NUP210: variants seen among roughly 807,000 people sequenced by gnomAD.
The protein encoded by NUP210 is nucleoporin 210, also known as nuclear pore membrane glycoprotein 210.
A neutral mutation model predicts 196.0 loss-of-function variants in NUP210; 151 were observed. The observed-to-expected ratio is 0.77, with a 90% CI of 0.67 to 0.88. The LOEUF is 0.88. Among genes scored for constraint, NUP210 ranks in the 40% least tolerant of loss-of-function variants. NUP210 has a pLI of 0.00. For missense variants in NUP210, 2,314 were observed against 2,493.7 expected (o/e 0.93, Z 1.53); for synonymous variants, 1,070 against 1,052.7 (o/e 1.02, Z -0.32).
intron 28 of NUP210, among the ~76,000 whole-genome samples, chr3:13,332,856 G>A (rs924457864): frequency 2.6e-5 from 4 of 152,222 alleles, no homozygotes; most frequent in Admixed American, 2.0e-4. Context: ...CAGTGAGGAA[G>A]AACTTTACCT....
chr3:13,411,013 G>C (rs546040735), intron 1 of NUP210, among the ~76,000 whole-genome samples: 43 of 151,782 alleles, frequency 2.8e-4, no homozygotes, highest in African/African-American at 9.7e-4. Flanking sequence ...CTTGAGGCCA[G>C]TAGTTTGAAA....
chr3:13,416,893 T>C (rs896166723), intron 1 of NUP210, among the ~76,000 whole-genome samples: 1 of 152,222 alleles, frequency 6.6e-6, no homozygotes, highest in African/African-American at 2.4e-5. Flanking sequence ...AAATGCTGCC[T>C]GTGATTGTAT....
Position 13,332,279 on chromosome 3 carries a change from G to T in NUP210, c.3935+14C>A. Reference sequence around the variant, plus strand: ...CCGCACAACTTTGCTGGAAACAAGAGCTGAGTCACGTACCTGTTTGTCTGC... The same window carrying T: ...CCGCACAACTTTGCTGGAAACAAGATCTGAGTCACGTACCTGTTTGTCTGC... On this transcript the variant is annotated intron_variant, in intron 29 of 39. Transcript: ENST00000254508. 1 of 1,605,476 alleles carries T rather than the reference G, an allele frequency of 6.2e-7. No homozygotes were observed. Among genetic ancestry groups the T allele is most frequent in the East Asian group, 2.2e-5 (1 of 44,794 alleles).
In NUP210 at chr3:13,381,425, T is replaced by C. The variant is rs553638752; in HGVS notation, c.818-1704A>G. 4.7e-5 allele frequency among the ~76,000 whole-genome samples: 7 copies of C among 149,978 alleles called. No individual in the cohort carries two copies. In the South Asian group the frequency reaches 8.4e-4, roughly 18 times the overall value. ...TCTTTCTTTTCTTTTCTTTTCTTTT[T>C]TTTTTTTTTTAGAGATAGGTTCTTA... On this transcript the variant is annotated intron_variant, in intron 6 of 39. Transcript: ENST00000254508.
chr3:13,350,754 C>T lies in NUP210; in HGVS notation c.2835+1125G>A, dbSNP rs1209288632. Among the ~76,000 whole-genome samples, 3 of 143,574 alleles carry T rather than the reference C, an allele frequency of 2.1e-5. No homozygotes were observed. The highest frequency in any genetic ancestry group is 5.2e-5 in the African/African-American group (2 of 38,252). 94.2% of individuals were successfully genotyped at this position (143,574 alleles called of 152,430 possible). ...CGTCGCCCAGGCTGGAGTGCAGTGG[C>T]GCAATCTTGGCTCACTGCAAGCTCC... On this transcript the variant is annotated intron_variant, in intron 20 of 39. Coordinates refer to ENST00000254508, the MANE Select transcript of NUP210 (RefSeq NM_024923.4). The surrounding 1 kb of genome is among the most constrained non-coding windows in gnomAD (Gnocchi z 4.1).
At position 13,358,247 on chromosome 3, in the gene NUP210, G is replaced by C. The variant is rs371580802; in HGVS notation, c.2303C>G (p.Pro768Arg). 1.9e-6 allele frequency: 3 copies of C among 1,611,658 alleles called. No individual in the cohort carries two copies. The highest frequency in any genetic ancestry group is 2.5e-6 in the Non-Finnish European group (3 of 1,178,782). ...YTSPQLDMSC[P>R]LLQQNKQVVP... ...CACCTGCTTGTTCTGCTGCAGCAGC[G>C]GACAGGACATGTCCAGCTGGGGGCT... Residue 768 changes from proline (P) to arginine (R), a missense_variant, in exon 16 of 40, where the codon CCG (proline) becomes CGG (arginine). Physicochemically the swap from Pro to Arg is moderately radical, Grantham distance 103. Coordinates refer to ENST00000254508, the MANE Select transcript of NUP210 (RefSeq NM_024923.4).
At chr3:13,377,150 G>T (rs572184579) in intron 9 of NUP210, among the ~76,000 whole-genome samples, 2 of 152,172 alleles carry the variant, frequency 1.3e-5, no homozygotes, top group African/African-American at 4.8e-5. Flanking sequence ...AAAGGGGGCG[G>T]GAGAGTGGCG....
chr3:13,409,910 C>T (rs907360623), intron 1 of NUP210, among the ~76,000 whole-genome samples: 4 of 151,444 alleles, frequency 2.6e-5, no homozygotes, highest in South Asian at 2.1e-4. Flanking sequence ...GATCTAGGCT[C>T]GCTGCAACCT....
intron 33 of NUP210, among the ~76,000 whole-genome samples, chr3:13,324,596 C>T (rs1375084938): frequency 6.6e-6 from 1 of 152,102 alleles, no homozygotes. Context: ...CTCTGATGTG[C>T]CTCCCTCCCT....
chr3:13,391,970 G>C (rs1003114458), intron 3 of NUP210, among the ~76,000 whole-genome samples: 1 of 152,000 alleles, frequency 6.6e-6, no homozygotes, highest in African/African-American at 2.4e-5. Context: ...CCTCTTGAAA[G>C]GATGAAGATC....
rs1696609652 is a variant in NUP210, at chr3:13,323,248, C to T, written c.4768+61G>A. The T allele has an allele frequency of 6.2e-7, 1 of 1,606,356 alleles. No individual in the cohort carries two copies. The highest frequency in any genetic ancestry group is 8.5e-7 in the Non-Finnish European group (1 of 1,175,512). ...GCAGATAAACTCCATCCAGAGGACACAGGAAGCCACCTCCCCGCTCCCAGG... is the reference window on the plus strand; with the variant it reads ...GCAGATAAACTCCATCCAGAGGACATAGGAAGCCACCTCCCCGCTCCCAGG... On this transcript the variant is annotated intron_variant, in intron 34 of 39. Coordinates refer to ENST00000254508, the MANE Select transcript of NUP210 (RefSeq NM_024923.4). This position sits in a 1 kb window ranked among gnomAD's most constrained non-coding sequence, Gnocchi z 4.3.
At chr3:13,401,238 C>T (rs1400239431) in intron 1 of NUP210, among the ~76,000 whole-genome samples, 1 of 114,388 alleles carries the variant, frequency 8.7e-6, no homozygotes, top group African/African-American at 3.6e-5. Flanking sequence ...CCAGCCTGGG[C>T]AACAGAGTGA....
chr3:13,372,428 G>A (rs1698762620), intron 12 of NUP210, among the ~76,000 whole-genome samples: 1 of 152,214 alleles, frequency 6.6e-6, no homozygotes, highest in African/African-American at 2.4e-5. Flanking sequence ...TGTTTACTGT[G>A]GCTGAGCTGG....
Position 13,373,807 on chromosome 3 carries a change from T to C in NUP210, c.1498A>G (p.Lys500Glu), listed in dbSNP as rs760158312. The C allele has an allele frequency of 1.2e-6, 2 of 1,614,178 alleles. No individual in the cohort carries two copies. The highest frequency in any genetic ancestry group is 1.7e-6 in the Non-Finnish European group (2 of 1,180,002). ...TCACTGCCTGTGGTCATCACGCCCT[T>C]GACAGTAACTGTGGCAACCAGGTGG... Reference protein sequence around the residue: ...SSHLVATVTVKGVMTTGSDIG... With the variant: ...SSHLVATVTVEGVMTTGSDIG... Residue 500 changes from lysine to glutamate, a missense_variant, in exon 12 of 40, where the codon AAG (lysine) becomes GAG (glutamate). Physicochemically the swap from Lys to Glu is moderately conservative, Grantham distance 56. Transcript: ENST00000254508.
At chr3:13,380,084 C>T (rs1404163828) in intron 6 of NUP210, among the ~76,000 whole-genome samples, 2 of 152,152 alleles carry the variant, frequency 1.3e-5, no homozygotes, top group African/African-American at 4.8e-5. Flanking sequence ...TTGCTGGTTC[C>T]GTCCAGCCTC....
chr3:13,337,382 G>C (rs1210751325), intron 26 of NUP210, among the ~76,000 whole-genome samples: 3 of 152,224 alleles, frequency 2.0e-5, no homozygotes, highest in African/African-American at 7.2e-5. Context: ...GGCCACAGCA[G>C]GTGTTGTGCC....
chr3:13,335,467 T>C lies in NUP210; in HGVS notation c.3830A>G (p.Glu1277Gly), dbSNP rs777956491. 1 of 1,613,286 alleles carries C rather than the reference T, an allele frequency of 6.2e-7. No individual in the cohort carries two copies. The highest frequency in any genetic ancestry group is 1.1e-5 in the South Asian group (1 of 91,060). Reference sequence around the variant, plus strand: ...CCTGCCTCCTACCTGGACTTGGATCTCATCCGAGAGTTCTCTGGCCAGGCC... The same window carrying C: ...CCTGCCTCCTACCTGGACTTGGATCCCATCCGAGAGTTCTCTGGCCAGGCC... ...LYGLARELSD[E>G]IQVQVFEKLQ... is the part of the protein sequence containing the mutation. The change falls in exon 28 of 40, where the codon GAG becomes GGG. Residue 1277 changes from glutamate (E) to glycine (G), a missense_variant. Physicochemically the swap from Glu to Gly is moderately conservative, Grantham distance 98. Coordinates refer to ENST00000254508, the MANE Select transcript of NUP210 (RefSeq NM_024923.4).
At chr3:13,335,261 C>T (rs1490841265) in intron 28 of NUP210, among the ~76,000 whole-genome samples, 193 bp downstream of exon 28, 2 of 152,202 alleles carry the variant, frequency 1.3e-5, no homozygotes, top group Non-Finnish European at 2.9e-5. Flanking sequence ...TTGCTTGGCC[C>T]CACCTCTGGG....
chr3:13,332,178 A>G (rs1397295639), intron 29 of NUP210, 115 bp downstream of exon 29: 3 of 786,468 alleles, frequency 3.8e-6, no homozygotes, highest in Non-Finnish European at 6.7e-6. Flanking sequence ...TTCCAAGCAC[A>G]GCAGGAGAAA....
Sources: allele counts gnomAD v4.1 joint callset (sites outside exome capture counted in the v4.1 genomes callset), GRCh38; gene constraint gnomAD v4.1.1; non-coding constraint Gnocchi (gnomAD v3.1); transcripts MANE v1.5; gene names NCBI Gene and HGNC (gene_info 2026-07-23, HGNC 2026-07-21).